Variants in UPF2 observed in about 807,000 individuals in gnomAD.
UPF2 encodes UPF2 regulator of nonsense mediated mRNA decay.
In UPF2, 17 loss-of-function variants were observed where a neutral mutation model predicts 141.4. The ratio of observed to expected loss-of-function variants is 0.12; its 90% CI spans 0.08 to 0.18. The LOEUF (loss-of-function observed/expected upper bound fraction) is 0.18. Ranked by LOEUF, UPF2 falls within the 10% of genes least tolerant of loss-of-function variation. The pLI is 1.00. For missense variants in UPF2, 1,152 were observed against 1,515.9 expected (o/e 0.76, Z 3.99); for synonymous variants, 540 against 498.0 (o/e 1.08, Z -1.12).
intron 9 of UPF2, 29 bp from the exon 10 acceptor site, chr10:11,967,483 T>G: frequency 1.5e-6 from 2 of 1,320,734 alleles, no homozygotes; most frequent in Non-Finnish European, 2.1e-6. Context: ...AAGATAATGC[T>G]TAATCAACAT....
chr10:12,011,763 T>C (rs1834131538), intron 4 of UPF2, among the ~76,000 whole-genome samples: 1 of 151,718 alleles, frequency 6.6e-6, no homozygotes, highest in African/African-American at 2.4e-5. Context: ...CTGACCAACA[T>C]GGAGAAACCC....
chr10:11,989,393 A>G (rs1782576415), intron 8 of UPF2, among the ~76,000 whole-genome samples: 2 of 152,198 alleles, frequency 1.3e-5, no homozygotes, highest in African/African-American at 4.8e-5. Flanking sequence ...CAGAAGCAGG[A>G]GGATTGCTTG....
Position 12,014,032 on chromosome 10 carries a change from G to A in UPF2, c.1298C>T (p.Thr433Ile), listed in dbSNP as rs370789140. The change falls in exon 4 of 22, where the codon ACA becomes ATA. Residue 433 changes from threonine to isoleucine, a missense_variant. Physicochemically the swap from Thr to Ile is moderately conservative, Grantham distance 89. Transcript: ENST00000357604. The surrounding 1 kb of genome is among the most constrained non-coding windows in gnomAD (Gnocchi z 5.0). ...TTAAGGATATCTCTTACCTTCTGGTGTTGGTTTGTCTTGAGGAAGATCTGG... is the reference window on the plus strand; with the variant it reads ...TTAAGGATATCTCTTACCTTCTGGTATTGGTTTGTCTTGAGGAAGATCTGG... ...NMPDLPQDKPTPEEHGPGIDI... is the reference protein window; with the variant it reads ...NMPDLPQDKPIPEEHGPGIDI... 75 of 1,555,444 alleles carry A rather than the reference G, an allele frequency of 4.8e-5. No individual in the cohort carries two copies. Among genetic ancestry groups the A allele is most frequent in the Non-Finnish European group, 6.0e-5 (69 of 1,148,472 alleles).
chr10:11,961,720 G>A (rs528910039), intron 11 of UPF2, among the ~76,000 whole-genome samples: 1 of 152,184 alleles, frequency 6.6e-6, no homozygotes, highest in Admixed American at 6.5e-5. Context: ...ACCTAAAACA[G>A]TGCCTGACAG....
intron 21 of UPF2, 30 bp downstream of exon 21, chr10:11,929,835 C>A (rs1334107925): frequency 6.2e-7 from 1 of 1,605,544 alleles, no homozygotes; most frequent in Non-Finnish European, 8.5e-7. Context: ...TGGAAACAAA[C>A]AGCTAAGGAA....
chr10:11,939,651 A>AT lies in UPF2; in HGVS notation c.3379-2940dup, dbSNP rs573345231. Among the ~76,000 whole-genome samples, 328 of 151,956 alleles carry AT rather than the reference A, an allele frequency of 2.2e-3. 1 individual carries two copies. The highest frequency in any genetic ancestry group is 7.3e-3 in the African/African-American group (303 of 41,428). On this transcript the variant is annotated intron_variant, in intron 18 of 21. Coordinates refer to ENST00000357604, the MANE Select transcript of UPF2 (RefSeq NM_015542.4). This position sits in a 1 kb window ranked among gnomAD's most constrained non-coding sequence, Gnocchi z 4.8. Reference sequence around the variant, plus strand: ...TGACTCAGCCTCCTGAGTAGCTGGGATTACAGGCGCCTGCCACCATGCCTG... The same window carrying AT: ...TGACTCAGCCTCCTGAGTAGCTGGGATTTACAGGCGCCTGCCACCATGCCTG...
In UPF2 at chr10:11,920,520, T is replaced by A. The variant is rs1049218546; in HGVS notation, c.*778A>T. 8 of 153,706 alleles carry A rather than the reference T, an allele frequency of 5.2e-5. No individual in the cohort carries two copies. The highest frequency in any genetic ancestry group is 1.9e-4 in the African/African-American group (8 of 41,480). The allele number at this position is 153,706 out of a possible 1,614,324, so 9.5% of individuals were successfully genotyped here. ...GACGGGCATGTTTTGTTTTCAATGA[T>A]ACTTACAATGGGCTCACCTAGATCC... is the stretch of plus-strand genomic sequence containing the variant. On this transcript the variant is annotated 3_prime_UTR_variant, in exon 22 of 22. Transcript: ENST00000357604.
At chr10:11,948,572 C>T (rs896148588) in intron 15 of UPF2, 64 bp from the exon 16 acceptor site, 1 of 1,535,648 alleles carries the variant, frequency 6.5e-7, no homozygotes, top group South Asian at 1.2e-5. Flanking sequence ...GTTTTCTACA[C>T]TATACCAATT....
In UPF2 at chr10:11,921,122, G is replaced by A. The variant is rs557334598; in HGVS notation, c.*176C>T. ...TTGTCTGGAAGCGTCGGCTTGTTCC[G>A]GTGTTGGCAGAGGCTGGTGTTTCTG... is the stretch of plus-strand genomic sequence containing the variant. On this transcript the variant is annotated 3_prime_UTR_variant, in exon 22 of 22. Transcript: ENST00000357604. The surrounding 1 kb of genome is among the most constrained non-coding windows in gnomAD (Gnocchi z 5.9). 13 of 860,432 alleles carry A rather than the reference G, an allele frequency of 1.5e-5. No homozygotes were observed. Among genetic ancestry groups the A allele is most frequent in the African/African-American group, 6.6e-5 (4 of 60,500 alleles). The allele number at this position is 860,432 out of a possible 1,614,324, so 53.3% of individuals were successfully genotyped here.
At chr10:12,035,572 GAATACTATT>G in intron 1 of UPF2, 131 bp from the exon 2 acceptor site, 1 of 950,270 alleles carries the variant, frequency 1.1e-6, no homozygotes, top group Non-Finnish European at 1.5e-6. Flanking sequence ...CAGGTAAAAT[GAATACTATT>G]TCTGTTACAA....
rs1832840914 is a variant in UPF2, at chr10:11,935,727, G to A, written c.3546+818C>T. On this transcript the variant is annotated intron_variant, in intron 19 of 21. Coordinates refer to ENST00000357604, the MANE Select transcript of UPF2 (RefSeq NM_015542.4). This position sits in a 1 kb window ranked among gnomAD's most constrained non-coding sequence, Gnocchi z 4.9. Reference sequence around the variant, plus strand: ...TAGGAGATAAGTTCCACAAGGGCAGGAACATTGTTCTGTTTATCACTGTAG... The same window carrying A: ...TAGGAGATAAGTTCCACAAGGGCAGAAACATTGTTCTGTTTATCACTGTAG... Among the ~76,000 whole-genome samples the A allele has an allele frequency of 6.6e-6, 1 of 152,172 alleles. No individual in the cohort carries two copies. Among genetic ancestry groups the A allele is most frequent in the Admixed American group, 6.5e-5 (1 of 15,270 alleles).
At chr10:12,024,099 C>A (rs575763559) in intron 3 of UPF2, among the ~76,000 whole-genome samples, 1 of 152,322 alleles carries the variant, frequency 6.6e-6, no homozygotes, top group East Asian at 1.9e-4. Context: ...TATCACACCT[C>A]AGGGAAACCT....
At chr10:12,013,302 G>A (rs1834163820) in intron 4 of UPF2, among the ~76,000 whole-genome samples, 2 of 145,588 alleles carry the variant, frequency 1.4e-5, no homozygotes, top group Admixed American at 6.8e-5. Context: ...TTTGAGACAG[G>A]GTCTCACTCT....
At chr10:11,924,520 C>A (rs1482569767) in intron 21 of UPF2, among the ~76,000 whole-genome samples, 1 of 151,904 alleles carries the variant, frequency 6.6e-6, no homozygotes, top group Admixed American at 6.5e-5. Context: ...GGAGGGTGCA[C>A]TGAACTGAGA....
chr10:11,985,069 T>C (rs1833665011), intron 8 of UPF2, among the ~76,000 whole-genome samples: 1 of 152,188 alleles, frequency 6.6e-6, no homozygotes, highest in African/African-American at 2.4e-5. Context: ...CACAGATCAA[T>C]GAAGTAACAA....
At chr10:12,017,919 T>C (rs776565182) in intron 3 of UPF2, among the ~76,000 whole-genome samples, 2 of 152,158 alleles carry the variant, frequency 1.3e-5, no homozygotes, top group Non-Finnish European at 2.9e-5. Flanking sequence ...ATTTTTTCTT[T>C]TGTTTTGTTT....
intron 14 of UPF2, 61 bp downstream of exon 14, chr10:11,955,170 AT>A: frequency 6.9e-7 from 1 of 1,446,014 alleles, no homozygotes; most frequent in Non-Finnish European, 9.2e-7. Context: ...CTCTCATAGT[AT>A]TCTTTTAAAA....
chr10:11,945,369 T>C (rs1240030048), intron 16 of UPF2, among the ~76,000 whole-genome samples: 5 of 152,242 alleles, frequency 3.3e-5, no homozygotes, highest in Non-Finnish European at 5.9e-5. Flanking sequence ...AGAATATCCA[T>C]TGCTCTTATT....
At chr10:11,954,852 T>C in intron 14 of UPF2, among the ~76,000 whole-genome samples, 1 of 148,896 alleles carries the variant, frequency 6.7e-6, no homozygotes, top group African/African-American at 2.4e-5. Context: ...ATTTGAGATG[T>C]AAACCAGAAT....
Sources: allele counts gnomAD v4.1 joint callset (sites outside exome capture counted in the v4.1 genomes callset), GRCh38; gene constraint gnomAD v4.1.1; non-coding constraint Gnocchi (gnomAD v3.1); transcripts MANE v1.5; gene names NCBI Gene and HGNC (gene_info 2026-07-23, HGNC 2026-07-21).